Variants in MGA observed in about 807,000 individuals in gnomAD.
MGA encodes MAX gene-associated protein.
MGA carries 40 observed loss-of-function variants against 261.1 expected under a neutral mutation model. The ratio of observed to expected loss-of-function variants is 0.15; its 90% CI spans 0.12 to 0.20. The LOEUF (loss-of-function observed/expected upper bound fraction) is 0.20, where lower values mean the gene tolerates loss of function less well. Ranked by LOEUF, MGA falls within the 10% of genes least tolerant of loss-of-function variation. The pLI is 1.00. For missense variants in MGA, 3,397 were observed against 3,630.5 expected (o/e 0.94, Z 1.65); for synonymous variants, 1,302 against 1,290.6 (o/e 1.01, Z -0.19).
chr15:41,740,529 T>C (rs2062033554), intron 14 of MGA, among the ~76,000 whole-genome samples: 1 of 152,100 alleles, frequency 6.6e-6, no homozygotes, highest in Non-Finnish European at 1.5e-5. Flanking sequence ...GACTTAAGGA[T>C]TTTAATTTTG....
rs769833072 is a variant in MGA, at chr15:41,669,031, A to T, written c.137A>T (p.Asp46Val). 2.5e-6 allele frequency: 4 copies of T among 1,613,622 alleles called. No individual in the cohort carries two copies. Among genetic ancestry groups the T allele is most frequent in the Non-Finnish European group, 3.4e-6 (4 of 1,179,550 alleles). Residue 46 changes from aspartate (D) to valine (V), a missense_variant, in exon 2 of 24, where the codon GAT becomes GTT. This residue lies in a region of MGA where 81 missense variants were observed against 84.3 expected (regional missense o/e 0.96). Transcript: ENST00000219905. ...CAAGGAATTTTGGTTACTAATCAGG[A>T]TGCCTGTGCTTTGGCTAGTAGTGTG...
chr15:41,695,996 C>CTTTTTTTTTTTTTTTTTTTTTTTTTTT, intron 2 of MGA, 79 bp from the exon 3 acceptor site: 1 of 870,356 alleles, frequency 1.1e-6, no homozygotes, highest in African/African-American at 1.8e-5. Context: ...TTCCTAACAT[C>CTTTTTTTTTTTTTTTTTTTTTTTTTTT]TTTTTTTTTT....
At chr15:41,650,271 A>G (rs1346240664) in intron 1 of MGA, among the ~76,000 whole-genome samples, 1 of 152,144 alleles carries the variant, frequency 6.6e-6, no homozygotes, top group East Asian at 1.9e-4. Context: ...GGAATTAATG[A>G]ATACTCTGTT....
At chr15:41,732,415 T>C (rs568087590) in intron 11 of MGA, among the ~76,000 whole-genome samples, 1 of 152,340 alleles carries the variant, frequency 6.6e-6, no homozygotes, top group African/African-American at 2.4e-5. Flanking sequence ...CCCAAAGTGC[T>C]GGGATTACCC....
At chr15:41,686,664 C>A (rs1003281808) in intron 2 of MGA, among the ~76,000 whole-genome samples, 1 of 152,038 alleles carries the variant, frequency 6.6e-6, no homozygotes, top group Non-Finnish European at 1.5e-5. Flanking sequence ...CCTACTGTTA[C>A]CCATTTTCCT....
chr15:41,729,389 T>G, intron 11 of MGA, 40 bp downstream of exon 11: 1 of 1,558,040 alleles, frequency 6.4e-7, no homozygotes, highest in East Asian at 2.2e-5. Context: ...AACTTCTGAT[T>G]ACCTGTTTTT....
chr15:41,765,507 G>A (rs1036446303), intron 23 of MGA, among the ~76,000 whole-genome samples: 2 of 152,146 alleles, frequency 1.3e-5, no homozygotes, highest in Non-Finnish European at 2.9e-5. Flanking sequence ...TAGGTTCCAG[G>A]CAACTAAATT....
At chr15:41,687,121 T>A (rs1230774637) in intron 2 of MGA, among the ~76,000 whole-genome samples, 1 of 152,162 alleles carries the variant, frequency 6.6e-6, no homozygotes, top group African/African-American at 2.4e-5. Context: ...CTTCAAGTTC[T>A]TTGTTTTTTT....
In MGA at chr15:41,767,399, T is replaced by A; in HGVS notation, c.*119T>A. 9.9e-7 allele frequency: 1 copy of A among 1,013,228 alleles called. No individual in the cohort carries two copies. The highest frequency in any genetic ancestry group is 1.4e-6 in the Non-Finnish European group (1 of 692,162). The allele number at this position is 1,013,228 out of a possible 1,614,324, so 62.8% of individuals were successfully genotyped here. A position where few individuals can be genotyped will look rare whatever the true frequency, so the allele number is the denominator to read the frequency against. On this transcript the variant is annotated 3_prime_UTR_variant, in exon 24 of 24. Coordinates refer to ENST00000219905, the MANE Select transcript of MGA (RefSeq NM_001164273.2). ...TGGATCCTTGACTTCAATGATGCAG[T>A]GGATAATGATGGGAGAAAGGGGGTA...
intron 1 of MGA, among the ~76,000 whole-genome samples, chr15:41,663,881 G>T (rs1279655435): frequency 1.3e-5 from 2 of 151,934 alleles, no homozygotes; most frequent in Admixed American, 1.3e-4. Context: ...ACTGCCCTTT[G>T]ATTAGAAAAT....
At chr15:41,718,988 A>G (rs923136077) in intron 9 of MGA, among the ~76,000 whole-genome samples, 2 of 152,188 alleles carry the variant, frequency 1.3e-5, no homozygotes, top group South Asian at 4.2e-4. Context: ...ATTCATGGAT[A>G]GGAAAATCCT....
rs117183161 is a variant in MGA, at chr15:41,723,377, A to G, written c.3431-3803A>G. On this transcript the variant is annotated intron_variant, in intron 9 of 23. Transcript: ENST00000219905. Reference sequence around the variant, plus strand: ...GCTTCAATTCTACTAGTCTCTGCCAATGATGGTCCTGGTTTTTAATTCCCA... The same window carrying G: ...GCTTCAATTCTACTAGTCTCTGCCAGTGATGGTCCTGGTTTTTAATTCCCA... Among the ~76,000 whole-genome samples, 504 of 152,282 alleles carry G rather than the reference A, an allele frequency of 3.3e-3. 2 individuals carry two copies. Among genetic ancestry groups the G allele is most frequent in the Non-Finnish European group, 4.9e-3 (334 of 68,012 alleles).
intron 12 of MGA, among the ~76,000 whole-genome samples, chr15:41,735,534 C>T (rs936494371): frequency 1.3e-5 from 2 of 152,188 alleles, no homozygotes; most frequent in African/African-American, 2.4e-5. Context: ...TCAAGAGATC[C>T]AAGACCATCC....
At chr15:41,672,461 A>AT (rs1246156129) in intron 2 of MGA, among the ~76,000 whole-genome samples, 1 of 152,076 alleles carries the variant, frequency 6.6e-6, no homozygotes, top group Non-Finnish European at 1.5e-5. Flanking sequence ...AGCCAGGCTT[A>AT]TTTTTTTGTT....
chr15:41,628,827 G>A (rs986736407), intron 1 of MGA, among the ~76,000 whole-genome samples: 4 of 152,170 alleles, frequency 2.6e-5, no homozygotes, highest in Non-Finnish European at 4.4e-5. Flanking sequence ...TCAAAACATC[G>A]CTTTGCTGCA....
chr15:41,647,342 A>G (rs940044350), intron 1 of MGA, among the ~76,000 whole-genome samples: 13 of 152,150 alleles, frequency 8.5e-5, no homozygotes, highest in African/African-American at 1.7e-4. Context: ...TTTCCAATCT[A>G]TTTCTTCAGT....
In MGA at chr15:41,766,958, A is replaced by C. The variant is rs771337246; in HGVS notation, c.8876A>C (p.Glu2959Ala). The C allele has an allele frequency of 1.2e-6, 2 of 1,614,030 alleles. No homozygotes were observed. The highest frequency in any genetic ancestry group is 1.7e-6 in the Non-Finnish European group (2 of 1,179,890). ...ACTTCTGGCCTCCCTGCAGAGCCCGAAAGTGTGTCCTCACCCCCCACCCTA... is the reference window on the plus strand; with the variant it reads ...ACTTCTGGCCTCCCTGCAGAGCCCGCAAGTGTGTCCTCACCCCCCACCCTA... Residue 2959 changes from glutamate (E) to alanine (A), a missense_variant, in exon 24 of 24, where the codon GAA becomes GCA. Glu to Ala is a moderately radical substitution (Grantham distance 107). Transcript: ENST00000219905.
At chr15:41,643,826 C>T (rs1205183899) in intron 1 of MGA, among the ~76,000 whole-genome samples, 1 of 151,640 alleles carries the variant, frequency 6.6e-6, no homozygotes, top group Non-Finnish European at 1.5e-5. Context: ...CCTCAGCCTC[C>T]CAAAGTGTTG....
intron 2 of MGA, chr15:41,684,342 A>C (rs1020734452): frequency 2.3e-6 from 1 of 437,188 alleles, no homozygotes; most frequent in Non-Finnish European, 4.6e-6. Flanking sequence ...TAATGCCAAC[A>C]AAAAAAATCC....
Sources: gnomAD v4.1 joint callset for allele counts (sites outside exome capture counted in the v4.1 genomes callset) on GRCh38, gnomAD v4.1.1 for gene constraint, gnomAD v4.1.1 regional missense constraint, MANE v1.5 for transcripts, NCBI Gene and HGNC (gene_info 2026-07-23, HGNC 2026-07-21) for gene names.